ZNF704: variants seen among roughly 807,000 people sequenced by gnomAD.
ZNF704 encodes the protein glucocorticoid induced gene 1.
A neutral mutation model predicts 44.7 loss-of-function variants in ZNF704; 10 were observed. The observed-to-expected ratio is 0.22, with a 90% CI of 0.14 to 0.38. The LOEUF (loss-of-function observed/expected upper bound fraction) is 0.38, where lower values mean the gene tolerates loss of function less well. Ranked by LOEUF, ZNF704 falls within the 10% of genes least tolerant of loss-of-function variation. The pLI is 1.00. For missense variants in ZNF704, 390 were observed against 545.5 expected, an observed-to-expected ratio of 0.71 and a Z score of 2.84; for synonymous variants, 211 against 207.6, an observed-to-expected ratio of 1.02 and a Z score of -0.14.
intron 1 of ZNF704, chr8:80,873,796 C>T: frequency 6.6e-6 from 1 of 151,588 alleles, no homozygotes; most frequent in Non-Finnish European, 1.5e-5. Flanking sequence ...GCAGCAGCAC[C>T]GGCGACGAGG....
intron 2 of ZNF704, among the ~76,000 whole-genome samples, chr8:80,779,579 T>C (rs1807475791): frequency 6.6e-6 from 1 of 152,166 alleles, no homozygotes; most frequent in Non-Finnish European, 1.5e-5. Flanking sequence ...GTATAAAGAA[T>C]GACATCTTTA....
chr8:80,769,015 C>T (rs998395938), intron 2 of ZNF704, among the ~76,000 whole-genome samples: 2 of 152,110 alleles, frequency 1.3e-5, no homozygotes, highest in African/African-American at 4.8e-5. Flanking sequence ...CATAAAACAG[C>T]ATACATTTTA....
chr8:80,629,877 A>T lies in ZNF704; in HGVS notation c.*11489T>A, dbSNP rs552026525. 2 of 152,218 alleles carry T rather than the reference A, an allele frequency of 1.3e-5. No homozygotes were observed. The allele number at this position is 152,218 out of a possible 1,614,324, so 9.4% of individuals were successfully genotyped here. On this transcript the variant is annotated 3_prime_UTR_variant, in exon 9 of 9. Coordinates refer to ENST00000327835, the MANE Select transcript of ZNF704 (RefSeq NM_001033723.3). ...TGCTTGTTAATCCAGTGTTACTAGA[A>T]CATCCACCTTTAAAGAACTGGGCAC...
rs774889537 is a variant in ZNF704 at position 80,664,848 on chromosome 8, G to A, written c.894C>T (p.Thr298=). 1 of 1,614,098 alleles carries A rather than the reference G, an allele frequency of 6.2e-7. No homozygotes were observed. The highest frequency in any genetic ancestry group is 2.2e-5 in the East Asian group (1 of 44,890). The stretch of plus-strand genomic sequence containing the variant: ...CATGGTCAGTGTGCACGAGGTAGAG[G>A]GTGGTGGGAGCTGAGCGGCTCAACG... The part of the protein sequence containing the change: ...MTPLSRSAPT[T]LYLVHTDHAY... Residue 298 remains threonine, a synonymous_variant, in exon 6 of 9, where the codon ACC becomes ACT. Transcript: ENST00000327835.
At chr8:80,747,459 C>T (rs1806866670) in intron 2 of ZNF704, among the ~76,000 whole-genome samples, 2 of 152,088 alleles carry the variant, frequency 1.3e-5, no homozygotes, top group Admixed American at 1.3e-4. Flanking sequence ...GCTACACAAA[C>T]CTCTGAAAAA....
chr8:80,703,386 T>C (rs1161333831), intron 2 of ZNF704, among the ~76,000 whole-genome samples: 1 of 152,156 alleles, frequency 6.6e-6, no homozygotes, highest in Admixed American at 6.5e-5. Context: ...AGACTGCCTG[T>C]GCTTCCTCCT....
At chr8:80,812,296 CA>C in intron 2 of ZNF704, 1 of 177,770 alleles carries the variant, frequency 5.6e-6, no homozygotes, top group Non-Finnish European at 1.2e-5. Context: ...TGCAGCTTTG[CA>C]GCCTTCTTTT....
At chr8:80,642,917 G>A (rs749142372) in intron 8 of ZNF704, 118 bp downstream of exon 8, 16 of 593,984 alleles carry the variant, frequency 2.7e-5, no homozygotes, top group African/African-American at 3.9e-5. Flanking sequence ...AAGAAAGGGT[G>A]TTTTGTCAAT....
chr8:80,850,292 T>C (rs1808836073), intron 1 of ZNF704, among the ~76,000 whole-genome samples: 1 of 152,216 alleles, frequency 6.6e-6, no homozygotes, highest in Non-Finnish European at 1.5e-5. Flanking sequence ...TTTTTCAGAA[T>C]GAATCGACTA....
At chr8:80,876,034 A>AT (rs1809352543), upstream of ZNF704, among the ~76,000 whole-genome samples, 1 of 152,158 alleles carries the variant, frequency 6.6e-6, no homozygotes, top group Non-Finnish European at 1.5e-5. Flanking sequence ...TCTAAAATGC[A>AT]TTTTGAATCC....
At chr8:80,683,996 G>A (rs1441650730) in intron 4 of ZNF704, among the ~76,000 whole-genome samples, 1 of 152,128 alleles carries the variant, frequency 6.6e-6, no homozygotes, top group Non-Finnish European at 1.5e-5. Context: ...TTTGTTTAGA[G>A]TCCTCAAATG....
intron 1 of ZNF704, among the ~76,000 whole-genome samples, chr8:80,831,331 T>A (rs1808469460): frequency 6.6e-6 from 1 of 152,216 alleles, no homozygotes; most frequent in Non-Finnish European, 1.5e-5. Context: ...AGAGCAACTT[T>A]TTATACTTCA....
chr8:80,872,646 G>A (rs1027637129), intron 1 of ZNF704, among the ~76,000 whole-genome samples: 5 of 152,184 alleles, frequency 3.3e-5, no homozygotes, highest in African/African-American at 1.2e-4. Flanking sequence ...CACCGTGCAT[G>A]AATCTCAACG....
intron 2 of ZNF704, among the ~76,000 whole-genome samples, chr8:80,728,091 AT>A (rs1806515765): frequency 6.6e-6 from 1 of 152,208 alleles, no homozygotes; most frequent in South Asian, 2.1e-4. Context: ...TAATATAGTA[AT>A]CATTATCATT....
chr8:80,780,351 T>G (rs1431922867), intron 2 of ZNF704, among the ~76,000 whole-genome samples: 3 of 152,106 alleles, frequency 2.0e-5, no homozygotes, highest in African/African-American at 7.2e-5. Context: ...GAGATCAGAA[T>G]GGTGCAAGTA....
intron 1 of ZNF704, among the ~76,000 whole-genome samples, chr8:80,823,381 C>T (rs1184303937): frequency 6.6e-6 from 1 of 152,222 alleles, no homozygotes; most frequent in Non-Finnish European, 1.5e-5. Flanking sequence ...GGAGGGGCAT[C>T]AGCCACTGCT....
intron 2 of ZNF704, among the ~76,000 whole-genome samples, chr8:80,723,661 T>A (rs1026970879): frequency 7.9e-5 from 12 of 152,218 alleles, no homozygotes; most frequent in African/African-American, 2.4e-4. Flanking sequence ...TTTTTTTAGT[T>A]AAAATATCAA....
rs1483388233 is a variant in ZNF704, at chr8:80,629,927, A to G, written c.*11439T>C. On this transcript the variant is annotated 3_prime_UTR_variant, in exon 9 of 9. Transcript: ENST00000327835. ...CATTTTCTAACAGCCAACATTTCCC[A>G]TTTATGCTTACGAAGTAACAAATAA... is the stretch of plus-strand genomic sequence containing the variant. The G allele has an allele frequency of 6.6e-6, 1 of 152,200 alleles. No homozygotes were observed. Among genetic ancestry groups the G allele is most frequent in the Non-Finnish European group, 1.5e-5 (1 of 68,030 alleles). The allele number at this position is 152,200 out of a possible 1,614,324, so 9.4% of individuals were successfully genotyped here.
At chr8:80,773,328 T>C (rs1807356441) in intron 2 of ZNF704, among the ~76,000 whole-genome samples, 1 of 152,214 alleles carries the variant, frequency 6.6e-6, no homozygotes, top group Non-Finnish European at 1.5e-5. Context: ...TTACATTATA[T>C]GTACATAACT....
Sources: allele counts gnomAD v4.1 joint callset (sites outside exome capture counted in the v4.1 genomes callset), GRCh38; gene constraint gnomAD v4.1.1; transcripts MANE v1.5; gene names NCBI Gene and HGNC (gene_info 2026-07-23, HGNC 2026-07-21).